Variants in EXOC2 observed in about 807,000 individuals in gnomAD.
EXOC2 encodes exocyst complex component 2.
Under a neutral mutation model 131.8 loss-of-function variants are expected in EXOC2, and 70 were observed. That is an observed-to-expected ratio of 0.53 (90% CI 0.44 to 0.65). The LOEUF (loss-of-function observed/expected upper bound fraction) is 0.65. Among genes scored for constraint, EXOC2 ranks in the 30% least tolerant of loss-of-function variants. The pLI, the probability that EXOC2 is intolerant of heterozygous loss-of-function variation, is 0.00. For missense variants in EXOC2, 923 were observed against 1,108.6 expected (o/e 0.83, Z 2.38); for synonymous variants, 411 against 398.4 (o/e 1.03, Z -0.38).
chr6:659,784 G>C (rs1763329426), intron 1 of EXOC2, among the ~76,000 whole-genome samples: 1 of 152,172 alleles, frequency 6.6e-6, no homozygotes, highest in African/African-American at 2.4e-5. Context: ...TGAGGAGCAG[G>C]GGGTACAACT....
chr6:568,631 G>A (rs982632991), intron 13 of EXOC2, among the ~76,000 whole-genome samples: 3 of 152,162 alleles, frequency 2.0e-5, no homozygotes, highest in Non-Finnish European at 4.4e-5. Context: ...ACCTGCTATG[G>A]AGGGAGGCAC....
chr6:541,050 A>C (rs1235080465), intron 22 of EXOC2, among the ~76,000 whole-genome samples: 1 of 152,234 alleles, frequency 6.6e-6, no homozygotes, highest in Non-Finnish European at 1.5e-5. Flanking sequence ...GATCTTTTCA[A>C]CCGAGGTAGG....
chr6:647,661 C>T (rs1446503618), intron 1 of EXOC2, among the ~76,000 whole-genome samples: 1 of 134,734 alleles, frequency 7.4e-6, no homozygotes, highest in African/African-American at 2.8e-5. Flanking sequence ...GGGGCTCTGG[C>T]TCACTCTGGT....
At chr6:540,847 A>C (rs1487212009) in intron 22 of EXOC2, among the ~76,000 whole-genome samples, 1 of 152,238 alleles carries the variant, frequency 6.6e-6, no homozygotes, top group Non-Finnish European at 1.5e-5. Flanking sequence ...ATACCAAGAC[A>C]CATAATAAAA....
chr6:663,524 T>C (rs1329099379), intron 1 of EXOC2, among the ~76,000 whole-genome samples: 1 of 152,182 alleles, frequency 6.6e-6, no homozygotes, highest in Non-Finnish European at 1.5e-5. Flanking sequence ...TGAACATAGA[T>C]GCTAAAATCC....
At chr6:658,398 T>C (rs1239439599) in intron 1 of EXOC2, among the ~76,000 whole-genome samples, 1 of 152,022 alleles carries the variant, frequency 6.6e-6, no homozygotes, top group Non-Finnish European at 1.5e-5. Flanking sequence ...ATAATCTTCC[T>C]GGAATTCTGA....
intron 19 of EXOC2, 59 bp downstream of exon 19, chr6:555,895 G>A: frequency 1.3e-6 from 2 of 1,498,870 alleles, no homozygotes; most frequent in East Asian, 2.3e-5. Context: ...AATAGGAGAG[G>A]GGTTGACTGA....
At chr6:574,961 A>G (rs1415012267) in intron 12 of EXOC2, among the ~76,000 whole-genome samples, 19 of 152,268 alleles carry the variant, frequency 1.2e-4, no homozygotes, top group Admixed American at 1.2e-3. Flanking sequence ...CAAGGGTCCA[A>G]TGACAAGGTG....
intron 17 of EXOC2, among the ~76,000 whole-genome samples, chr6:559,580 A>G (rs1350972123): frequency 6.6e-6 from 1 of 152,152 alleles, no homozygotes; most frequent in Non-Finnish European, 1.5e-5. Context: ...CCCTGCAGAT[A>G]GTTATGTGGC....
intron 1 of EXOC2, among the ~76,000 whole-genome samples, chr6:648,716 C>CTTT (rs60202015): frequency 2.3e-5 from 2 of 88,552 alleles, no homozygotes; most frequent in East Asian, 3.2e-4. Flanking sequence ...TTTAAAAACT[C>CTTT]TTTTTTTTTT....
At chr6:521,005 C>T (rs577858893) in intron 23 of EXOC2, among the ~76,000 whole-genome samples, 6 of 151,604 alleles carry the variant, frequency 4.0e-5, no homozygotes, top group African/African-American at 9.7e-5. Flanking sequence ...ACCGTCCACA[C>T]TCGGAGATGA....
At chr6:575,204 A>C (rs1411082031) in intron 12 of EXOC2, among the ~76,000 whole-genome samples, 4 of 152,218 alleles carry the variant, frequency 2.6e-5, no homozygotes, top group Non-Finnish European at 4.4e-5. Context: ...GTGTGCCCCG[A>C]GAACACTCTT....
At chr6:560,573 C>T (rs1440745391) in intron 17 of EXOC2, among the ~76,000 whole-genome samples, 1 of 152,198 alleles carries the variant, frequency 6.6e-6, no homozygotes, top group East Asian at 1.9e-4. Context: ...GGTTCACATT[C>T]TGCCTTTTGT....
intron 22 of EXOC2, among the ~76,000 whole-genome samples, chr6:539,498 A>C (rs952988784): frequency 6.6e-6 from 1 of 152,212 alleles, no homozygotes; most frequent in Non-Finnish European, 1.5e-5. Flanking sequence ...CCAGGCACTG[A>C]TGCCAGCCAG....
At chr6:662,655 G>A (rs1463505181) in intron 1 of EXOC2, among the ~76,000 whole-genome samples, 1 of 152,134 alleles carries the variant, frequency 6.6e-6, no homozygotes, top group Non-Finnish European at 1.5e-5. Context: ...CAGCAAAGGT[G>A]GTGCCATGAG....
At position 592,407 on chromosome 6, in the gene EXOC2, T is replaced by C. The variant is rs1581510916; in HGVS notation, c.1192+62A>G. 2.2e-6 allele frequency: 3 copies of C among 1,360,786 alleles called. No homozygotes were observed. In the East Asian group the frequency reaches 7.0e-5, roughly 32 times the overall value. The allele number at this position is 1,360,786 out of a possible 1,614,324, so 84.3% of individuals were successfully genotyped here. A position where few individuals can be genotyped will look rare whatever the true frequency, so the allele number is the denominator to read the frequency against. Reference sequence around the variant, plus strand: ...AGTCAGTGCCTTCATCATTAAACATTCCCAGAATGCATCAAAATGACATGA... The same window carrying C: ...AGTCAGTGCCTTCATCATTAAACATCCCCAGAATGCATCAAAATGACATGA... On this transcript the variant is annotated intron_variant, in intron 11 of 27. Transcript: ENST00000230449.
intron 10 of EXOC2, among the ~76,000 whole-genome samples, chr6:596,931 CA>C (rs1350096453): frequency 1.3e-5 from 2 of 152,156 alleles, no homozygotes; most frequent in Non-Finnish European, 2.9e-5. Context: ...ACTACATGTA[CA>C]TAAAATTTAC....
intron 25 of EXOC2, among the ~76,000 whole-genome samples, chr6:495,346 G>T (rs575481744): frequency 6.6e-6 from 1 of 151,126 alleles, no homozygotes; most frequent in Non-Finnish European, 1.5e-5. Flanking sequence ...GGATGGTCTC[G>T]ATCTCCTGAC....
At chr6:567,425 C>A (rs929946015) in intron 13 of EXOC2, among the ~76,000 whole-genome samples, 4 of 152,194 alleles carry the variant, frequency 2.6e-5, no homozygotes, top group African/African-American at 9.7e-5. Flanking sequence ...TTCTGTCTTA[C>A]AACCCTATTT....
Sources: gnomAD v4.1 joint callset for allele counts (sites outside exome capture counted in the v4.1 genomes callset) on GRCh38, gnomAD v4.1.1 for gene constraint, MANE v1.5 for transcripts, NCBI Gene and HGNC (gene_info 2026-07-23, HGNC 2026-07-21) for gene names.